The following MITF variants were observed in gnomAD, a reference collection of about 807,000 sequenced individuals.
The protein encoded by MITF is microphthalmia-associated transcription factor.
A neutral mutation model predicts 60.5 loss-of-function variants in MITF; 17 were observed. The observed-to-expected ratio is 0.28, with a 90% CI of 0.19 to 0.42. The LOEUF (loss-of-function observed/expected upper bound fraction) is 0.42. Ranked by LOEUF, MITF falls within the 10% of genes least tolerant of loss-of-function variation. The pLI is 1.00. For missense variants in MITF, 622 were observed against 683.5 expected (o/e 0.91, Z 1.00); for synonymous variants, 260 against 248.5 (o/e 1.05, Z -0.43).
intron 1 of MITF, among the ~76,000 whole-genome samples, chr3:69,826,787 A>T (rs1316231252): frequency 1.3e-5 from 2 of 152,202 alleles, no homozygotes; most frequent in African/African-American, 4.8e-5. Flanking sequence ...TTACTTTTTA[A>T]ATTAAAGTTT....
chr3:69,882,685 A>C (rs1161307950), intron 2 of MITF, among the ~76,000 whole-genome samples: 4 of 152,204 alleles, frequency 2.6e-5, no homozygotes, highest in South Asian at 2.1e-4. Context: ...TCAAACAAAA[A>C]CAGAGTAACG....
intron 1 of MITF, among the ~76,000 whole-genome samples, chr3:69,797,415 G>A (rs2062849097): frequency 6.6e-6 from 1 of 151,840 alleles, no homozygotes; most frequent in Admixed American, 6.6e-5. Context: ...GGGAATGAAT[G>A]GACTACAGAA....
At chr3:69,805,833 A>G (rs1238662978) in intron 1 of MITF, among the ~76,000 whole-genome samples, 1 of 151,878 alleles carries the variant, frequency 6.6e-6, no homozygotes, top group Non-Finnish European at 1.5e-5. Flanking sequence ...TAATTTTTTA[A>G]ATTTTTTTGT....
chr3:69,907,522 T>A (rs76569516), intron 2 of MITF, among the ~76,000 whole-genome samples: 2 of 152,198 alleles, frequency 1.3e-5, no homozygotes, highest in Non-Finnish European at 2.9e-5. Context: ...TTTGAGATCA[T>A]GTAGATGAAA....
intron 5 of MITF, among the ~76,000 whole-genome samples, chr3:69,943,917 T>A (rs1015179523): frequency 2.0e-5 from 3 of 151,980 alleles, no homozygotes; most frequent in Non-Finnish European, 2.9e-5. Context: ...TTAGAGAGAA[T>A]CCGTCTCTGT....
At chr3:69,956,174 A>G (rs1576046612) in intron 7 of MITF, among the ~76,000 whole-genome samples, 2 of 152,212 alleles carry the variant, frequency 1.3e-5, no homozygotes, top group South Asian at 2.1e-4. Context: ...CAGTATCTCC[A>G]AGGCAATTTC....
chr3:69,845,438 C>CTTTTTTTTTTTTTTTTTTTTTTTTT lies in MITF; in HGVS notation c.105-33693_105-33692insTTTTTTTTTTTTTTTTTTTTTTTTT, dbSNP rs202135701. On this transcript the variant is annotated intron_variant, in intron 1 of 9. Transcript: ENST00000352241. ...TCTTTTCTTTTCTTTTTTCTTTTTT[C>CTTTTTTTTTTTTTTTTTTTTTTTTT]TTTCTTTTTTTTTTTTTTGCTATTT... 3.7e-4 allele frequency among the ~76,000 whole-genome samples: 50 copies of CTTTTTTTTTTTTTTTTTTTTTTTTT among 133,666 alleles called. 1 individual carries two copies. The highest frequency in any genetic ancestry group is 5.7e-4 in the Non-Finnish European group (35 of 61,374). 87.7% of individuals were successfully genotyped at this position (133,666 alleles called of 152,430 possible).
At chr3:69,746,503 T>C (rs1703732504) in intron 1 of MITF, among the ~76,000 whole-genome samples, 1 of 152,158 alleles carries the variant, frequency 6.6e-6, no homozygotes, top group African/African-American at 2.4e-5. Flanking sequence ...AGTGAGAGTT[T>C]CATTTTTTTT....
In MITF at chr3:69,933,627, T is replaced by A. The variant is rs542753417; in HGVS notation, c.355-4195T>A. On this transcript the variant is annotated intron_variant, in intron 2 of 9. Coordinates refer to ENST00000352241, the MANE Select transcript of MITF (RefSeq NM_001354604.2). ...ACTCAGATAGCTAGCATAATTTATA[T>A]GAAATATAAGTTATATCAATAAATA... Among the ~76,000 whole-genome samples the A allele has an allele frequency of 4.9e-4, 74 of 152,206 alleles. 1 individual carries two copies. Among genetic ancestry groups the A allele is most frequent in the Non-Finnish European group, 9.8e-4 (67 of 68,038 alleles).
intron 2 of MITF, among the ~76,000 whole-genome samples, chr3:69,894,038 T>C (rs1439968402): frequency 6.6e-6 from 1 of 152,236 alleles, no homozygotes; most frequent in Non-Finnish European, 1.5e-5. Context: ...TTCTTGATTC[T>C]GAAATTAAAC....
chr3:69,913,420 C>G (rs929302016), intron 2 of MITF, among the ~76,000 whole-genome samples: 1 of 152,030 alleles, frequency 6.6e-6, no homozygotes, highest in Non-Finnish European at 1.5e-5. Context: ...TGTTTTATAC[C>G]ACTATTTTTC....
chr3:69,939,453 T>C (rs1013262988), intron 4 of MITF, among the ~76,000 whole-genome samples: 1 of 152,128 alleles, frequency 6.6e-6, no homozygotes, highest in Non-Finnish European at 1.5e-5. Flanking sequence ...ATATGAAATA[T>C]GTACTTTAAC....
At chr3:69,809,025 A>T (rs1416946825) in intron 1 of MITF, among the ~76,000 whole-genome samples, 4 of 152,056 alleles carry the variant, frequency 2.6e-5, no homozygotes, top group Non-Finnish European at 5.9e-5. Flanking sequence ...AGTGGGGTGG[A>T]GCATATGGAT....
chr3:69,942,383 C>T (rs1176474966), intron 5 of MITF, among the ~76,000 whole-genome samples: 1 of 152,080 alleles, frequency 6.6e-6, no homozygotes, highest in Non-Finnish European at 1.5e-5. Flanking sequence ...GTAGTAAATT[C>T]CCTTGGCCAA....
chr3:69,828,656 A>G (rs186265105), intron 1 of MITF, among the ~76,000 whole-genome samples: 1 of 152,252 alleles, frequency 6.6e-6, no homozygotes, highest in African/African-American at 2.4e-5. Flanking sequence ...GATATATAAA[A>G]TGAGTCTCAT....
intron 2 of MITF, among the ~76,000 whole-genome samples, chr3:69,925,413 A>G (rs888594050): frequency 1.3e-5 from 2 of 152,146 alleles, no homozygotes; most frequent in African/African-American, 4.8e-5. Context: ...AGCTGTGTGC[A>G]CCATTTATAA....
At chr3:69,937,167 A>G (rs1248631042) in intron 2 of MITF, 2 of 174,550 alleles carry the variant, frequency 1.1e-5, no homozygotes, top group Non-Finnish European at 2.4e-5. Context: ...TTTAAAACAC[A>G]TACGTGTAAG....
At chr3:69,787,504 A>G (rs2062670135) in intron 1 of MITF, among the ~76,000 whole-genome samples, 1 of 152,188 alleles carries the variant, frequency 6.6e-6, no homozygotes, top group Non-Finnish European at 1.5e-5. Context: ...AGGCTAGACT[A>G]GACCAAATTG....
chr3:69,803,339 T>C lies in MITF; in HGVS notation c.104+63638T>C, dbSNP rs112843029. 4.3e-3 allele frequency among the ~76,000 whole-genome samples: 659 copies of C among 152,314 alleles called. 6 individuals are homozygous for C. The highest frequency in any genetic ancestry group is 0.015 in the African/African-American group (611 of 41,574). On this transcript the variant is annotated intron_variant, in intron 1 of 9. Coordinates refer to ENST00000352241, the MANE Select transcript of MITF (RefSeq NM_001354604.2). ...CTGTTGTCTGTCTTTTCATAAACCC[T>C]ATGTTTAATGGCAGTTTTATCATTT...
Sources: allele counts gnomAD v4.1 joint callset (sites outside exome capture counted in the v4.1 genomes callset), GRCh38; gene constraint gnomAD v4.1.1; transcripts MANE v1.5; gene names NCBI Gene and HGNC (gene_info 2026-07-23, HGNC 2026-07-21).